Variants in SPATA7 observed in about 807,000 individuals in gnomAD.
SPATA7 encodes the protein spermatogenesis-associated protein 7.
In SPATA7, 43 loss-of-function variants were observed where a neutral mutation model predicts 51.8. That is an observed-to-expected ratio of 0.83 (90% CI 0.65 to 1.07). SPATA7 has a LOEUF of 1.07. Ranked by LOEUF, SPATA7 falls within the 50% of genes least tolerant of loss-of-function variation. SPATA7 has a pLI of 0.00. For missense variants in SPATA7, 683 were observed against 701.3 expected (o/e 0.97, Z 0.30); for synonymous variants, 230 against 252.8 (o/e 0.91, Z 0.86).
intron 3 of SPATA7, among the ~76,000 whole-genome samples, chr14:88,451,049 T>C (rs1466070930): frequency 6.6e-6 from 1 of 152,220 alleles, no homozygotes; most frequent in East Asian, 1.9e-4. Context: ...AGCCTTGTCT[T>C]TGAGCTGGGA....
chr14:88,414,079 A>G (rs946811501), intron 4 of SPATA7, among the ~76,000 whole-genome samples: 1 of 152,284 alleles, frequency 6.6e-6, no homozygotes, highest in East Asian at 1.9e-4. Flanking sequence ...TGGGTTTCAT[A>G]GAATGAGTTA....
intron 4 of SPATA7, among the ~76,000 whole-genome samples, chr14:88,398,466 CTG>C (rs1219450462): frequency 8.8e-6 from 1 of 113,484 alleles, no homozygotes. Context: ...ACATCACACT[CTG>C]GGGACTGTTG....
downstream of SPATA7, among the ~76,000 whole-genome samples, chr14:88,440,420 T>C (rs978612177): frequency 2.0e-5 from 3 of 152,216 alleles, no homozygotes; most frequent in Admixed American, 1.3e-4. Flanking sequence ...GTGAGTTGAT[T>C]TAAAGAAATA....
chr14:88,451,486 ATGC>A (rs1268570921), intron 3 of SPATA7, among the ~76,000 whole-genome samples: 1 of 148,700 alleles, frequency 6.7e-6, no homozygotes, highest in Non-Finnish European at 1.5e-5. Context: ...TTTTTTACTT[ATGC>A]TATTTCACTG....
At chr14:88,434,552 G>A (rs1052359619) in intron 10 of SPATA7, among the ~76,000 whole-genome samples, 1 of 151,972 alleles carries the variant, frequency 6.6e-6, no homozygotes, top group Non-Finnish European at 1.5e-5. Flanking sequence ...GGGCGTGGTG[G>A]TGCGCGCCTG....
chr14:88,456,535 T>G (rs2077284848), downstream of SPATA7, among the ~76,000 whole-genome samples: 3 of 152,188 alleles, frequency 2.0e-5, no homozygotes, highest in South Asian at 6.2e-4. Context: ...TTGAGAAGTG[T>G]CTGTTCATAT....
Position 88,422,113 on chromosome 14 carries a change from G to A in SPATA7, c.373-4119G>A, listed in dbSNP as rs150959669. 5.7e-3 allele frequency among the ~76,000 whole-genome samples: 865 copies of A among 152,138 alleles called. 13 individuals are homozygous for A. Among genetic ancestry groups the A allele is most frequent in the African/African-American group, 0.02 (830 of 41,510 alleles). Reference sequence around the variant, plus strand: ...TAGGATGAGGTGCAGGTTTTCTTTGGGGCTGGAGGTAATAAGAGATAGGAG... The same window carrying A: ...TAGGATGAGGTGCAGGTTTTCTTTGAGGCTGGAGGTAATAAGAGATAGGAG... On this transcript the variant is annotated intron_variant, in intron 5 of 11. Coordinates refer to ENST00000393545, the MANE Select transcript of SPATA7 (RefSeq NM_018418.5).
intron 3 of SPATA7, among the ~76,000 whole-genome samples, chr14:88,446,172 G>A (rs138102370): frequency 0.012 from 1,762 of 152,222 alleles, 37 homozygotes; most frequent in African/African-American, 0.04. Context: ...TCCTGTTATT[G>A]GTCTATTCAG....
rs189149061 is a variant in SPATA7 at position 88,418,999 on chromosome 14, T to C, written c.372+2155T>C. On this transcript the variant is annotated intron_variant, in intron 5 of 11. Coordinates refer to ENST00000393545, the MANE Select transcript of SPATA7 (RefSeq NM_018418.5). ...TTTAAAAATGTCCTGTCATTATATGTTTGAAAATAAAATATATTCTATAGT... is the reference window on the plus strand; with the variant it reads ...TTTAAAAATGTCCTGTCATTATATGCTTGAAAATAAAATATATTCTATAGT... Among the ~76,000 whole-genome samples the C allele has an allele frequency of 1.6e-3, 237 of 152,310 alleles. 1 individual carries two copies. The highest frequency in any genetic ancestry group is 6.8e-3 in the Middle Eastern group (2 of 294).
chr14:88,458,011 T>C (rs1376760760), downstream of SPATA7, among the ~76,000 whole-genome samples: 3 of 152,150 alleles, frequency 2.0e-5, no homozygotes, highest in East Asian at 5.8e-4. Flanking sequence ...TTGGTTCTCT[T>C]TATATGCTGG....
At chr14:88,403,291 C>T (rs549731665) in intron 4 of SPATA7, among the ~76,000 whole-genome samples, 2 of 152,198 alleles carry the variant, frequency 1.3e-5, no homozygotes, top group South Asian at 2.1e-4. Context: ...AATAGAACTA[C>T]CATACGATTA....
At chr14:88,468,138 T>G (rs773260253) in intron 4 of SPATA7, 1 of 1,614,050 alleles carries the variant, frequency 6.2e-7, no homozygotes, top group South Asian at 1.1e-5. Flanking sequence ...TGTGGGAGCT[T>G]AGATGAGCCT....
intron 3 of SPATA7, among the ~76,000 whole-genome samples, chr14:88,444,415 T>G (rs1242084009): frequency 1.3e-5 from 2 of 151,470 alleles, no homozygotes; most frequent in African/African-American, 2.5e-5. Flanking sequence ...TTGTGAAAAT[T>G]TTCTCCCATT....
intron 5 of SPATA7, among the ~76,000 whole-genome samples, chr14:88,423,621 T>C (rs889990070): frequency 2.0e-5 from 3 of 151,992 alleles, no homozygotes; most frequent in African/African-American, 7.3e-5. Flanking sequence ...ATTTGTTTTA[T>C]AAAATATAAT....
At chr14:88,393,523 A>G in intron 3 of SPATA7, 35 bp downstream of exon 3, 2 of 1,425,022 alleles carry the variant, frequency 1.4e-6, no homozygotes, top group Non-Finnish European at 9.8e-7. Flanking sequence ...TCTGTACTCA[A>G]TTTAAACCTC....
At chr14:88,424,045 T>C (rs2076722584) in intron 5 of SPATA7, among the ~76,000 whole-genome samples, 1 of 152,200 alleles carries the variant, frequency 6.6e-6, no homozygotes, top group South Asian at 2.1e-4. Flanking sequence ...ACAGAAACAG[T>C]GCACAACAAA....
At chr14:88,392,117 T>G (rs763830452) in intron 2 of SPATA7, among the ~76,000 whole-genome samples, 2 of 152,320 alleles carry the variant, frequency 1.3e-5, no homozygotes, top group Non-Finnish European at 2.9e-5. Flanking sequence ...TTACAGTGTA[T>G]TTTTTAAAGT....
At chr14:88,456,247 G>A (rs1244409594), downstream of SPATA7, among the ~76,000 whole-genome samples, 1 of 152,110 alleles carries the variant, frequency 6.6e-6, no homozygotes, top group Non-Finnish European at 1.5e-5. Context: ...CCAGTAATGG[G>A]GTGGCTGGGT....
rs768751136 is a variant in SPATA7 at position 88,469,580 on chromosome 14, C to T, written c.255-267C>T. On this transcript the variant is annotated intron_variant, in intron 4 of 4. Coordinates refer to the SPATA7 transcript ENST00000556406. The surrounding 1 kb of genome is among the most constrained non-coding windows in gnomAD (Gnocchi z 4.3). ...AGGTGCCAGACGGTCCTCTCTTGCCCAGTAAGGAGGTGCTTCATCTTCAGG... is the reference window on the plus strand; with the variant it reads ...AGGTGCCAGACGGTCCTCTCTTGCCTAGTAAGGAGGTGCTTCATCTTCAGG... 10 of 1,613,978 alleles carry T rather than the reference C, an allele frequency of 6.2e-6. No homozygotes were observed. The highest frequency in any genetic ancestry group is 5.5e-5 in the South Asian group (5 of 91,072).
Sources: gnomAD v4.1 joint callset for allele counts (sites outside exome capture counted in the v4.1 genomes callset) on GRCh38, gnomAD v4.1.1 for gene constraint, Gnocchi (gnomAD v3.1) non-coding constraint, MANE v1.5 for transcripts, NCBI Gene and HGNC (gene_info 2026-07-23, HGNC 2026-07-21) for gene names.